The following LAMA2 variants were observed in gnomAD, a reference collection of about 807,000 sequenced individuals.
LAMA2 encodes laminin subunit alpha-2.
In LAMA2, 269 loss-of-function variants were observed where a neutral mutation model predicts 364.8. That is an observed-to-expected ratio of 0.74 (90% CI 0.67 to 0.82). The LOEUF (loss-of-function observed/expected upper bound fraction) is 0.82, where lower values mean the gene tolerates loss of function less well. Ranked by LOEUF, LAMA2 falls within the 40% of genes least tolerant of loss-of-function variation. The pLI, the probability that LAMA2 is intolerant of heterozygous loss-of-function variation, is 0.00. For synonymous variants in LAMA2, 1,379 were observed against 1,370.6 expected, an observed-to-expected ratio of 1.01 and a Z score of -0.14; for missense variants, 3,807 against 3,873.2, an observed-to-expected ratio of 0.98 and a Z score of 0.45.
At chr6:129,342,880 A>G (rs556562395) in intron 30 of LAMA2, among the ~76,000 whole-genome samples, 2 of 151,980 alleles carry the variant, frequency 1.3e-5, no homozygotes, top group South Asian at 2.1e-4. Context: ...TTATGTGTTT[A>G]ATTCAAGATT....
At chr6:129,161,926 T>C (rs1264824661) in intron 8 of LAMA2, among the ~76,000 whole-genome samples, 4 of 152,208 alleles carry the variant, frequency 2.6e-5, no homozygotes, top group Admixed American at 1.3e-4. Flanking sequence ...GTTGATTCCA[T>C]GTCTTTGTTA....
chr6:129,194,198 A>G (rs1027728967), intron 12 of LAMA2, among the ~76,000 whole-genome samples: 2 of 152,012 alleles, frequency 1.3e-5, no homozygotes, highest in African/African-American at 4.8e-5. Flanking sequence ...ATATAAAAAT[A>G]TACTGTCAAT....
intron 1 of LAMA2, among the ~76,000 whole-genome samples, chr6:129,012,986 C>T (rs1177871191): frequency 6.6e-6 from 1 of 152,180 alleles, no homozygotes; most frequent in Admixed American, 6.5e-5. Context: ...CTGTTCTTGA[C>T]GTATTACCTA....
At position 129,442,944 on chromosome 6, in the gene LAMA2, A is replaced by G. The variant is rs1030377695; in HGVS notation, c.6269-119A>G. ...TCAGTTAAAATGGGGTGCATTTATAATTAGTACCTGTTATGAAAAATACCA... is the reference window on the plus strand; with the variant it reads ...TCAGTTAAAATGGGGTGCATTTATAGTTAGTACCTGTTATGAAAAATACCA... On this transcript the variant is annotated intron_variant, in intron 43 of 64. Coordinates refer to ENST00000421865, the MANE Select transcript of LAMA2 (RefSeq NM_000426.4). 14 of 697,784 alleles carry G rather than the reference A, an allele frequency of 2.0e-5. No individual in the cohort carries two copies. The African/African-American group carries it at 2.5e-4, about 13-fold the overall frequency. 43.2% of individuals were successfully genotyped at this position (697,784 alleles called of 1,614,324 possible).
intron 49 of LAMA2, among the ~76,000 whole-genome samples, chr6:129,460,914 G>C (rs1341189144): frequency 6.6e-6 from 1 of 151,870 alleles, no homozygotes; most frequent in African/African-American, 2.4e-5. Flanking sequence ...CAGGAGGAAA[G>C]TTCCTAATAC....
chr6:129,100,503 T>C (rs1775458642), intron 4 of LAMA2, among the ~76,000 whole-genome samples: 1 of 152,214 alleles, frequency 6.6e-6, no homozygotes, highest in Non-Finnish European at 1.5e-5. Context: ...TTGTGGAATA[T>C]GTTACTTTTT....
intron 3 of LAMA2, among the ~76,000 whole-genome samples, chr6:129,079,376 T>A (rs1583002870): frequency 7.6e-6 from 1 of 130,804 alleles, no homozygotes; most frequent in Middle Eastern, 4.0e-3. Context: ...CTTCACGCAT[T>A]GAATGAGGGT....
rs1787073763 is a variant in LAMA2, at chr6:129,260,840, T to G, written c.2208+18T>G. 1 of 1,410,326 alleles carries G rather than the reference T, an allele frequency of 7.1e-7. No homozygotes were observed. Among genetic ancestry groups the G allele is most frequent in the East Asian group, 2.3e-5 (1 of 43,868 alleles). 87.4% of individuals were successfully genotyped at this position (1,410,326 alleles called of 1,614,324 possible). On this transcript the variant is annotated intron_variant, in intron 15 of 64. Coordinates refer to ENST00000421865, the MANE Select transcript of LAMA2 (RefSeq NM_000426.4). ...CTTGTGAAGTAAGCTTGCAAGAATG[T>G]ATCCTTAGTGCTTTCAAAGTTCCCT...
chr6:129,473,117 C>A, intron 51 of LAMA2, 97 bp from the exon 52 acceptor site: 1 of 896,948 alleles, frequency 1.1e-6, no homozygotes, highest in Non-Finnish European at 1.8e-6. Context: ...AATGTTAATT[C>A]TCGAATTAAA....
In LAMA2 at chr6:129,322,110, C is replaced by T. The variant is rs151323829; in HGVS notation, c.4176+1455C>T. On this transcript the variant is annotated intron_variant, in intron 28 of 64. Transcript: ENST00000421865. Reference sequence around the variant, plus strand: ...GAAAAAGTTTATAAAATAACTGCAACTGTTTTGTGACACATGCTTAAAATG... The same window carrying T: ...GAAAAAGTTTATAAAATAACTGCAATTGTTTTGTGACACATGCTTAAAATG... 4.9e-3 allele frequency among the ~76,000 whole-genome samples: 744 copies of T among 152,300 alleles called. 4 individuals are homozygous for T. Among genetic ancestry groups the T allele is most frequent in the Middle Eastern group, 0.014 (4 of 294 alleles).
chr6:129,061,028 C>T (rs974957777), intron 3 of LAMA2, among the ~76,000 whole-genome samples: 1 of 152,160 alleles, frequency 6.6e-6, no homozygotes, highest in Admixed American at 6.5e-5. Flanking sequence ...TAATATTTCT[C>T]AGGAAGTCTC....
At chr6:129,473,665 T>C (rs1387310925) in intron 52 of LAMA2, among the ~76,000 whole-genome samples, 1 of 152,050 alleles carries the variant, frequency 6.6e-6, no homozygotes, top group African/African-American at 2.4e-5. Context: ...CTGTTCTCCT[T>C]CTACATTCAC....
At chr6:129,513,601 C>G (rs1192514524) in intron 63 of LAMA2, among the ~76,000 whole-genome samples, 1 of 152,162 alleles carries the variant, frequency 6.6e-6, no homozygotes, top group Admixed American at 6.6e-5. Context: ...CATTTCTTTT[C>G]TTTTACCTTG....
intron 60 of LAMA2, among the ~76,000 whole-genome samples, chr6:129,503,830 T>G (rs1211427414): frequency 1.3e-5 from 2 of 152,212 alleles, no homozygotes; most frequent in South Asian, 4.1e-4. Context: ...TAAAGGGCTC[T>G]AAGGTATCAT....
intron 12 of LAMA2, among the ~76,000 whole-genome samples, chr6:129,217,769 C>T (rs1436273977): frequency 6.6e-6 from 1 of 151,978 alleles, no homozygotes; most frequent in Non-Finnish European, 1.5e-5. Flanking sequence ...GCTGGGAACC[C>T]CAGGATATAA....
At chr6:128,890,786 T>A (rs1372657850) in intron 1 of LAMA2, among the ~76,000 whole-genome samples, 1 of 152,132 alleles carries the variant, frequency 6.6e-6, no homozygotes, top group Non-Finnish European at 1.5e-5. Flanking sequence ...TTTATTATAC[T>A]GTATAATGAA....
rs145003999 is a variant in LAMA2, at chr6:129,403,332, A to G, written c.5727-489A>G. ...TGGCAGATGAAACACAAAGCTAGGT[A>G]TCATCAGATCCAGGCTCTAAGTCCT... On this transcript the variant is annotated intron_variant, in intron 39 of 64. Transcript: ENST00000421865. Among the ~76,000 whole-genome samples, 32 of 152,344 alleles carry G rather than the reference A, an allele frequency of 2.1e-4. 1 individual carries two copies. Among genetic ancestry groups the G allele is most frequent in the Admixed American group, 1.9e-3 (29 of 15,300 alleles).
At chr6:128,918,745 A>G (rs1778510836) in intron 1 of LAMA2, among the ~76,000 whole-genome samples, 1 of 152,200 alleles carries the variant, frequency 6.6e-6, no homozygotes, top group Non-Finnish European at 1.5e-5. Flanking sequence ...CAGTTTCCTT[A>G]GGGCAAACAA....
intron 22 of LAMA2, among the ~76,000 whole-genome samples, chr6:129,304,239 T>A (rs1773726634): frequency 6.6e-6 from 1 of 152,240 alleles, no homozygotes; most frequent in South Asian, 2.1e-4. Flanking sequence ...GAGTTTAATT[T>A]TCTCTTGTGT....
Sources: gnomAD v4.1 joint callset for allele counts (sites outside exome capture counted in the v4.1 genomes callset) on GRCh38, gnomAD v4.1.1 for gene constraint, MANE v1.5 for transcripts, NCBI Gene and HGNC (gene_info 2026-07-23, HGNC 2026-07-21) for gene names.